KIR3DL2: variants seen among roughly 807,000 people sequenced by gnomAD.
KIR3DL2 encodes killer cell immunoglobulin-like receptor 3DL2.
KIR3DL2 carries 42 observed loss-of-function variants against 41.6 expected under a neutral mutation model. The ratio of observed to expected loss-of-function variants is 1.01; its 90% CI spans 0.79 to 1.31. The LOEUF is 1.31. Among genes scored for constraint, KIR3DL2 ranks in the 50% most tolerant of loss-of-function variants. The probability of loss-of-function intolerance (pLI) is 0.00; values close to 1 mark genes in which losing one functional copy is unlikely to be tolerated. For missense variants in KIR3DL2, 728 were observed against 576.8 expected (o/e 1.26, Z -2.68); for synonymous variants, 230 against 221.3 (o/e 1.04, Z -0.35).
chr19:54,866,759 G>C lies in KIR3DL2; in HGVS notation c.*28G>C. ...AGACAACAGCCCTGTCTCAAAACCAGGTTGCCAGATCCAATGAACCAGCAG... is the reference window on the plus strand; with the variant it reads ...AGACAACAGCCCTGTCTCAAAACCACGTTGCCAGATCCAATGAACCAGCAG... On this transcript the variant is annotated 3_prime_UTR_variant, in exon 9 of 9. Coordinates refer to ENST00000326321, the MANE Select transcript of KIR3DL2 (RefSeq NM_006737.4). The C allele has an allele frequency of 2.5e-6, 4 of 1,609,866 alleles. No homozygotes were observed. Among genetic ancestry groups the C allele is most frequent in the Non-Finnish European group, 2.5e-6 (3 of 1,177,448 alleles).
chr19:54,851,611 G>A (rs1167025166), intron 2 of KIR3DL2, among the ~76,000 whole-genome samples: 1 of 151,334 alleles, frequency 6.6e-6, no homozygotes, highest in Non-Finnish European at 1.5e-5. Context: ...GTGTGGCTGC[G>A]GTCTTTCTAC....
chr19:54,853,682 T>C (rs2064483781), intron 3 of KIR3DL2, 65 bp from the exon 4 acceptor site: 3 of 1,552,406 alleles, frequency 1.9e-6, no homozygotes, highest in Non-Finnish European at 2.6e-6. Context: ...CCCTCACTCA[T>C]TCCAGGTGCC....
At chr19:54,853,710 G>A in intron 3 of KIR3DL2, 37 bp from the exon 4 acceptor site, 1 of 1,598,814 alleles carries the variant, frequency 6.3e-7, no homozygotes, top group Non-Finnish European at 8.5e-7. Context: ...GGATGATAAA[G>A]AGAGATGCCT....
chr19:54,859,634 C>T (rs371336901), intron 6 of KIR3DL2, among the ~76,000 whole-genome samples: 4 of 151,952 alleles, frequency 2.6e-5, no homozygotes, highest in East Asian at 3.9e-4. Flanking sequence ...GCCACAGCCC[C>T]ATGCTCAGGC....
intron 6 of KIR3DL2, among the ~76,000 whole-genome samples, chr19:54,861,084 T>C (rs2065141915): frequency 6.8e-6 from 1 of 148,038 alleles, no homozygotes; most frequent in South Asian, 2.2e-4. Context: ...AACTGGAATC[T>C]AGGAGACCGT....
At chr19:54,858,331 A>AT (rs1197306131) in intron 5 of KIR3DL2, among the ~76,000 whole-genome samples, 3 of 150,998 alleles carry the variant, frequency 2.0e-5, no homozygotes, top group Admixed American at 6.6e-5. Flanking sequence ...GGTGACAGGT[A>AT]TAGATGCAGT....
At chr19:54,859,517 A>G (rs2065024222) in intron 6 of KIR3DL2, among the ~76,000 whole-genome samples, 2 of 151,818 alleles carry the variant, frequency 1.3e-5, no homozygotes, top group Admixed American at 6.6e-5. Flanking sequence ...CAAGGAATGA[A>G]TTACTGTTGG....
At chr19:54,854,731 A>G (rs1204990963) in intron 4 of KIR3DL2, among the ~76,000 whole-genome samples, 1 of 151,960 alleles carries the variant, frequency 6.6e-6, no homozygotes, top group East Asian at 1.9e-4. Context: ...GGGGATTGAG[A>G]GACTCACAGA....
chr19:54,855,842 C>G lies in KIR3DL2; in HGVS notation c.879C>G (p.Cys293Trp), dbSNP rs1165262322. ...CCACCCACGGAGGGACCTACAGATG[C>G]TTCGGCTCTTTCCGTGCCCTGCCCT... ...GPATHGGTYR[C>W]FGSFRALPCV... is the part of the protein sequence containing the mutation. The change falls in exon 5 of 9, where the codon TGC becomes TGG. Residue 293 changes from cysteine (C) to tryptophan (W), a missense_variant. Transcript: ENST00000326321. The G allele has an allele frequency of 9.9e-6, 16 of 1,613,478 alleles. No homozygotes were observed. Among genetic ancestry groups the G allele is most frequent in the African/African-American group, 1.3e-5 (1 of 74,534 alleles).
chr19:54,851,318 G>T, intron 2 of KIR3DL2, 63 bp downstream of exon 2: 1 of 1,557,596 alleles, frequency 6.4e-7, no homozygotes. Context: ...TCTGAAACAG[G>T]AGGGAAGTCC....
At chr19:54,855,558 G>T in intron 4 of KIR3DL2, 61 bp from the exon 5 acceptor site, 1 of 1,589,946 alleles carries the variant, frequency 6.3e-7, no homozygotes, top group Non-Finnish European at 8.5e-7. Context: ...CTCAGCTCAG[G>T]TATGAGGGGA....
Position 54,855,557 on chromosome 19 carries a change from G to A in KIR3DL2, c.656-62G>A, listed in dbSNP as rs2064678858. On this transcript the variant is annotated intron_variant, in intron 4 of 8. Coordinates refer to ENST00000326321, the MANE Select transcript of KIR3DL2 (RefSeq NM_006737.4). ...AGCAGGGGAGTGAGTTCTCAGCTCA[G>A]GTATGAGGGGAGCTGTGACAAGGAA... 3 of 1,588,860 alleles carry A rather than the reference G, an allele frequency of 1.9e-6. No homozygotes were observed. The African/African-American group carries it at 4.1e-5, about 22-fold the overall frequency.
rs1197431886 is a variant in KIR3DL2 at position 54,852,116 on chromosome 19, A to G, written c.189A>G (p.Glu63=). The part of the protein sequence containing the change: ...RGFNNFMLYK[E]DRSHVPIFHG... ...TTAACAATTTCATGCTGTACAAAGA[A>G]GACAGAAGCCACGTTCCCATCTTCC... Residue 63 remains glutamate, a synonymous_variant, in exon 3 of 9, where the codon GAA becomes GAG. Transcript: ENST00000326321. The G allele has an allele frequency of 6.2e-7, 1 of 1,613,062 alleles. No individual in the cohort carries two copies. The highest frequency in any genetic ancestry group is 1.1e-5 in the South Asian group (1 of 91,072).
chr19:54,852,391 G>A (rs1490502090), intron 3 of KIR3DL2, 109 bp downstream of exon 3: 190 of 1,439,678 alleles, frequency 1.3e-4, no homozygotes, highest in Admixed American at 1.9e-4. Context: ...CTGTATTTGG[G>A]GTCAAGGGAG....
chr19:54,851,460 G>A (rs1293969823), intron 2 of KIR3DL2, among the ~76,000 whole-genome samples: 20 of 151,214 alleles, frequency 1.3e-4, no homozygotes, highest in African/African-American at 4.4e-4. Context: ...TGAGACTGGG[G>A]TGCTCCAAGC....
rs1308221424 is a variant in KIR3DL2, at chr19:54,866,374, T to C, written c.1110T>C (p.Ala370=). 1 of 1,613,852 alleles carries C rather than the reference T, an allele frequency of 6.2e-7. No individual in the cohort carries two copies. ...GATGACTTCCGTCTCCTACAGATGC[T>C]GCTGTAATGGACCAAGAGCCTGCGG... ...LYRWCSNKKN[A]AVMDQEPAGD... Residue 370 remains alanine, a synonymous_variant, in exon 8 of 9, where the codon GCT becomes GCC. Transcript: ENST00000326321.
chr19:54,850,713 T>C (rs1476626750), intron 1 of KIR3DL2, among the ~76,000 whole-genome samples: 56 of 75,782 alleles, frequency 7.4e-4, no homozygotes, highest in Non-Finnish European at 1.1e-3. Context: ...TGTGGAGATA[T>C]GGGCCTGGAG....
chr19:54,859,876 C>T (rs1453555333), intron 6 of KIR3DL2, among the ~76,000 whole-genome samples: 1 of 152,020 alleles, frequency 6.6e-6, no homozygotes, highest in South Asian at 2.1e-4. Context: ...TTCCTTGGCT[C>T]CTGGTACCCT....
At position 54,855,792 on chromosome 19, in the gene KIR3DL2, C is replaced by A; in HGVS notation, c.829C>A (p.Gln277Lys). The change falls in exon 5 of 9, where the codon CAG (glutamine) becomes AAG (lysine). Residue 277 changes from glutamine (Q) to lysine (K), a missense_variant. Transcript: ENST00000326321. ...RAVPKVNRTF[Q>K]ADFPLGPATH... Reference sequence around the variant, plus strand: ...AGTGCCCAAGGTCAACAGAACATTCCAGGCAGACTTTCCTCTGGGCCCTGC... The same window carrying A: ...AGTGCCCAAGGTCAACAGAACATTCAAGGCAGACTTTCCTCTGGGCCCTGC... The A allele has an allele frequency of 6.2e-7, 1 of 1,613,426 alleles. No homozygotes were observed. Among genetic ancestry groups the A allele is most frequent in the Non-Finnish European group, 8.5e-7 (1 of 1,179,940 alleles).
Sources: allele counts gnomAD v4.1 joint callset (sites outside exome capture counted in the v4.1 genomes callset), GRCh38; gene constraint gnomAD v4.1.1; transcripts MANE v1.5; gene names NCBI Gene and HGNC (gene_info 2026-07-23, HGNC 2026-07-21).